Variants in CCNA2 observed in about 807,000 individuals in gnomAD.
CCNA2 encodes the protein cyclin-A2.
CCNA2 carries 3 observed loss-of-function variants against 49.4 expected under a neutral mutation model. The ratio of observed to expected loss-of-function variants is 0.06; its 90% CI spans 0.03 to 0.16. The LOEUF (loss-of-function observed/expected upper bound fraction) is 0.16, where lower values mean the gene tolerates loss of function less well. Ranked by LOEUF, CCNA2 falls within the 10% of genes least tolerant of loss-of-function variation. The pLI is 1.00. For missense variants in CCNA2, 372 were observed against 519.7 expected, an observed-to-expected ratio of 0.72 and a Z score of 2.76; for synonymous variants, 206 against 197.2, an observed-to-expected ratio of 1.04 and a Z score of -0.37.
In CCNA2 at chr4:121,817,599, G is replaced by A; in HGVS notation, c.*39C>T. On this transcript the variant is annotated 3_prime_UTR_variant, in exon 8 of 8. Transcript: ENST00000274026. ...AAAAACTGTACACCATATACTTTGAGTGATTTACATCTTAGAAAACAAAGG... is the reference window on the plus strand; with the variant it reads ...AAAAACTGTACACCATATACTTTGAATGATTTACATCTTAGAAAACAAAGG... 6.2e-7 allele frequency: 1 copy of A among 1,612,552 alleles called. No homozygotes were observed. Among genetic ancestry groups the A allele is most frequent in the Non-Finnish European group, 8.5e-7 (1 of 1,179,072 alleles).
At position 121,820,599 on chromosome 4, in the gene CCNA2, A is replaced by G; in HGVS notation, c.737T>C (p.Met246Thr). ...CTGAAGTTTTCCTCTCAGCACTGAC[A>G]TGGAAGACAGGAACCTATCAATGTA... is the stretch of plus-strand genomic sequence containing the variant. ...VNYIDRFLSS[M>T]SVLRGKLQLV... Residue 246 changes from methionine to threonine, a missense_variant, in exon 4 of 8, where the codon ATG becomes ACG. Physicochemically the swap from Met to Thr is moderately conservative, Grantham distance 81. Around this residue, in one of 2 missense-constraint regions of CCNA2, gnomAD observed 155 missense variants for 288.1 expected, o/e 0.54. Transcript: ENST00000274026. The surrounding 1 kb of genome is among the most constrained non-coding windows in gnomAD (Gnocchi z 4.1). 6.2e-7 allele frequency: 1 copy of G among 1,614,202 alleles called. No homozygotes were observed. The highest frequency in any genetic ancestry group is 8.5e-7 in the Non-Finnish European group (1 of 1,180,012).
Position 121,820,551 on chromosome 4 carries a change from A to C in CCNA2, c.785T>G (p.Leu262Arg). 1 of 1,611,770 alleles carries C rather than the reference A, an allele frequency of 6.2e-7. No individual in the cohort carries two copies. Among genetic ancestry groups the C allele is most frequent in the Non-Finnish European group, 8.5e-7 (1 of 1,178,298 alleles). The change falls in exon 4 of 8, where the codon CTG becomes CGG. Residue 262 changes from leucine to arginine, a missense_variant. Leu to Arg is a moderately radical substitution (Grantham distance 102). This residue lies in a region of CCNA2 where 155 missense variants were observed against 288.1 expected (regional missense o/e 0.54). Coordinates refer to ENST00000274026, the MANE Select transcript of CCNA2 (RefSeq NM_001237.5). This position sits in a 1 kb window ranked among gnomAD's most constrained non-coding sequence, Gnocchi z 4.1. ...ACCAAGGTAGACTTACGAGGCTAAC[A>C]GCATAGCAGCAGTGCCCACAAGCTG... is the stretch of plus-strand genomic sequence containing the variant. Reference protein sequence around the residue: ...KLQLVGTAAMLLASKFEEIYP... With the variant: ...KLQLVGTAAMRLASKFEEIYP...
chr4:121,820,773 G>A lies in CCNA2; in HGVS notation c.571-8C>T, dbSNP rs1185950263. Reference sequence around the variant, plus strand: ...TTTAGGTTTACATTTAACCTATTGAGAAAATTATTTATAGTGTTAAAATTA... The same window carrying A: ...TTTAGGTTTACATTTAACCTATTGAAAAAATTATTTATAGTGTTAAAATTA... On this transcript the variant is annotated splice_polypyrimidine_tract_variant and splice_region_variant and intron_variant, in intron 3 of 7. Transcript: ENST00000274026. This position sits in a 1 kb window ranked among gnomAD's most constrained non-coding sequence, Gnocchi z 4.1. 3.2e-6 allele frequency: 5 copies of A among 1,565,190 alleles called. No homozygotes were observed. In the Admixed American group the frequency reaches 8.8e-5, roughly 27 times the overall value.
Position 121,816,841 on chromosome 4 carries a change from G to A in CCNA2, c.*797C>T. On this transcript the variant is annotated 3_prime_UTR_variant, in exon 8 of 8. Coordinates refer to ENST00000274026, the MANE Select transcript of CCNA2 (RefSeq NM_001237.5). ...AGCCAGTGAAAAGAAGAAAAAAGAA[G>A]AGAGCTGCCAATTAAAGCTAACAGT... is the stretch of plus-strand genomic sequence containing the variant. 6.3e-7 allele frequency: 1 copy of A among 1,592,086 alleles called. No individual in the cohort carries two copies. The highest frequency in any genetic ancestry group is 1.1e-5 in the South Asian group (1 of 88,430).
rs764163813 is a variant in CCNA2, at chr4:121,818,929, C to CT, written c.1003-17dup. ...CTCCCAAAAACTGGAATAAAAAATACTTTATGATCACAAGAGCGTTTAGAA... is the reference window on the plus strand; with the variant it reads ...CTCCCAAAAACTGGAATAAAAAATACTTTTATGATCACAAGAGCGTTTAGAA... On this transcript the variant is annotated splice_polypyrimidine_tract_variant and intron_variant, in intron 5 of 7. Coordinates refer to ENST00000274026, the MANE Select transcript of CCNA2 (RefSeq NM_001237.5). 8 of 1,468,908 alleles carry CT rather than the reference C, an allele frequency of 5.4e-6. No homozygotes were observed. In the South Asian group the frequency reaches 9.1e-5, roughly 17 times the overall value. 91.0% of individuals were successfully genotyped at this position (1,468,908 alleles called of 1,614,324 possible). A position where few individuals can be genotyped will look rare whatever the true frequency, so the allele number is the denominator to read the frequency against.
Position 121,817,044 on chromosome 4 carries a change from A to G in CCNA2, c.*594T>C, listed in dbSNP as rs556706240. 2.0e-5 allele frequency: 12 copies of G among 589,152 alleles called. No individual in the cohort carries two copies. The African/African-American group carries it at 2.1e-4, about 10-fold the overall frequency. 36.5% of individuals were successfully genotyped at this position (589,152 alleles called of 1,614,324 possible). ...GCATTTCTCGTCTGTTAATTTGCATATAAGCTTCCCACCCTCTTCCACTCC... is the reference window on the plus strand; with the variant it reads ...GCATTTCTCGTCTGTTAATTTGCATGTAAGCTTCCCACCCTCTTCCACTCC... On this transcript the variant is annotated 3_prime_UTR_variant, in exon 8 of 8. Transcript: ENST00000274026.
rs1203747195 is a variant in CCNA2, at chr4:121,823,686, T to C, written c.-58A>G. The C allele has an allele frequency of 6.7e-7, 1 of 1,495,982 alleles. No individual in the cohort carries two copies. Among genetic ancestry groups the C allele is most frequent in the African/African-American group, 1.4e-5 (1 of 72,250 alleles). The allele number at this position is 1,495,982 out of a possible 1,614,324, so 92.7% of individuals were successfully genotyped here. A position where few individuals can be genotyped will look rare whatever the true frequency, so the allele number is the denominator to read the frequency against. On this transcript the variant is annotated 5_prime_UTR_variant, in exon 1 of 8. Transcript: ENST00000274026. The stretch of plus-strand genomic sequence containing the variant: ...CTGCGGCGCCAAGCAGCGTGCACTC[T>C]GCCCAGCCGACCACTCGCACCGACC...
rs1724661178 is a variant in CCNA2 at position 121,820,328 on chromosome 4, A to G, written c.794+214T>C. On this transcript the variant is annotated intron_variant, in intron 4 of 7. Transcript: ENST00000274026. The surrounding 1 kb of genome is among the most constrained non-coding windows in gnomAD (Gnocchi z 4.1). ...TTTAAAATTTGTAACCTAGTGTACT[A>G]TATCATGTTCAAGGAATCCAGTTGG... 6.6e-6 allele frequency among the ~76,000 whole-genome samples: 1 copy of G among 152,196 alleles called. No individual in the cohort carries two copies.
Position 121,817,838 on chromosome 4 carries a change from AAC to A in CCNA2, c.1251-154_1251-153del, listed in dbSNP as rs1330154766. The A allele has an allele frequency of 1.4e-5, 17 of 1,186,272 alleles. No homozygotes were observed. The Admixed American group carries it at 2.2e-4, about 16-fold the overall frequency. The allele number at this position is 1,186,272 out of a possible 1,614,324, so 73.5% of individuals were successfully genotyped here. On this transcript the variant is annotated intron_variant, in intron 7 of 7. Transcript: ENST00000274026. ...TTTAGAAACACTGTCTGGTCCCTGA[AAC>A]ACACATGCATGCCCCCTTCCTTCTC...
At chr4:121,821,220 C>T in intron 2 of CCNA2, 129 bp from the exon 3 acceptor site, 1 of 1,146,208 alleles carries the variant, frequency 8.7e-7, no homozygotes, top group Non-Finnish European at 1.2e-6. Context: ...AAGAGCTTCT[C>T]ATGACAAAAT....
Position 121,816,457 on chromosome 4 carries a change from T to C in CCNA2, c.*1181A>G. 1 of 1,524,706 alleles carries C rather than the reference T, an allele frequency of 6.6e-7. No homozygotes were observed. 94.4% of individuals were successfully genotyped at this position (1,524,706 alleles called of 1,614,324 possible). A position where few individuals can be genotyped will look rare whatever the true frequency, so the allele number is the denominator to read the frequency against. The stretch of plus-strand genomic sequence containing the variant: ...ATCCAAAGAAAATAAGGTAACAAAT[T>C]TCTGGTTTATTTCAAATGTATACAT... On this transcript the variant is annotated 3_prime_UTR_variant, in exon 8 of 8. Coordinates refer to ENST00000274026, the MANE Select transcript of CCNA2 (RefSeq NM_001237.5).
At position 121,816,668 on chromosome 4, in the gene CCNA2, C is replaced by A; in HGVS notation, c.*970G>T. On this transcript the variant is annotated 3_prime_UTR_variant, in exon 8 of 8. Coordinates refer to ENST00000274026, the MANE Select transcript of CCNA2 (RefSeq NM_001237.5). ...TCTTGGATGCCAGTCTTACTCATAG[C>A]TGACACATTTTAGATCCTACTGGAA... The A allele has an allele frequency of 8.5e-7, 1 of 1,182,766 alleles. No homozygotes were observed. Among genetic ancestry groups the A allele is most frequent in the Non-Finnish European group, 1.2e-6 (1 of 865,702 alleles). The allele number at this position is 1,182,766 out of a possible 1,614,324, so 73.3% of individuals were successfully genotyped here.
In CCNA2 at chr4:121,818,054, T is replaced by G. The variant is rs929352472; in HGVS notation, c.1240A>C (p.Lys414Gln). Residue 414 changes from lysine (K) to glutamine (Q), a missense_variant, in exon 7 of 8, where the codon AAA (lysine) becomes CAA (glutamine). Transcript: ENST00000274026. ...HAQQSIREKYKNSKYHGVSLL... is the reference protein window; with the variant it reads ...HAQQSIREKYQNSKYHGVSLL... ...CAAGTTAATTCTTACTTTGAATTTT[T>G]GTACTTTTCTCTTATTGACTGTTGT... 2 of 1,612,114 alleles carry G rather than the reference T, an allele frequency of 1.2e-6. No individual in the cohort carries two copies. The highest frequency in any genetic ancestry group is 1.1e-5 in the South Asian group (1 of 90,628).
rs771429379 is a variant in CCNA2, at chr4:121,816,835, A to AAAGAAGAG, written c.*795_*802dup. 20 of 1,596,418 alleles carry AAAGAAGAG rather than the reference A, an allele frequency of 1.3e-5. No individual in the cohort carries two copies. Among genetic ancestry groups the AAAGAAGAG allele is most frequent in the Non-Finnish European group, 1.6e-5 (19 of 1,169,360 alleles). On this transcript the variant is annotated 3_prime_UTR_variant, in exon 8 of 8. Transcript: ENST00000274026. ...GTAAAAAGCCAGTGAAAAGAAGAAA[A>AAAGAAGAG]AAGAAGAGAGCTGCCAATTAAAGCT...
chr4:121,819,962 CAAG>C (rs1432432304), intron 4 of CCNA2, among the ~76,000 whole-genome samples: 3 of 133,930 alleles, frequency 2.2e-5, no homozygotes, highest in Non-Finnish European at 4.7e-5. Flanking sequence ...TTTTTTGAGA[CAAG>C]AGTCTTGCTC....
intron 5 of CCNA2, 86 bp downstream of exon 5, chr4:121,819,286 G>A (rs986711038): frequency 2.1e-6 from 2 of 967,228 alleles, no homozygotes; most frequent in African/African-American, 1.6e-5. Flanking sequence ...CTGTACAAAG[G>A]AACTAGGTTC....
At position 121,819,594 on chromosome 4, in the gene CCNA2, G is replaced by GT. The variant is rs1166652409; in HGVS notation, c.795-16dup. On this transcript the variant is annotated splice_polypyrimidine_tract_variant and intron_variant, in intron 4 of 7. Transcript: ENST00000274026. ...CTTCAAACTTTCTACAATGAAAAAAGTTTTAAGTAATCAGTCCTAAAAGAG... is the reference window on the plus strand; with the variant it reads ...CTTCAAACTTTCTACAATGAAAAAAGTTTTTAAGTAATCAGTCCTAAAAGAG... The GT allele has an allele frequency of 1.9e-6, 3 of 1,576,492 alleles. No homozygotes were observed. The highest frequency in any genetic ancestry group is 2.6e-6 in the Non-Finnish European group (3 of 1,146,902).
rs571659772 is a variant in CCNA2, at chr4:121,823,847, A to C, written c.-219T>G. ...CAGGCAGGCACTGCCCAGCGTGGCG[A>C]GCCAAAGACGCCCAGAGATGCAGCG... On this transcript the variant is annotated 5_prime_UTR_variant, in exon 1 of 8. Coordinates refer to ENST00000274026, the MANE Select transcript of CCNA2 (RefSeq NM_001237.5). 1.8e-4 allele frequency: 138 copies of C among 787,350 alleles called. 1 individual carries two copies. In the African/African-American group the frequency reaches 2.2e-3, roughly 13 times the overall value. 48.8% of individuals were successfully genotyped at this position (787,350 alleles called of 1,614,324 possible). A position where few individuals can be genotyped will look rare whatever the true frequency, so the allele number is the denominator to read the frequency against.
chr4:121,820,519 TA>T lies in CCNA2; in HGVS notation c.794+22del, dbSNP rs1224101623. 1 of 1,573,114 alleles carries T rather than the reference TA, an allele frequency of 6.4e-7. No homozygotes were observed. Reference sequence around the variant, plus strand: ...CTAGACAAAAGGTCGTGATCACTTTTAAACAAACCAAGGTAGACTTACGAGG... The same window carrying T: ...CTAGACAAAAGGTCGTGATCACTTTTAACAAACCAAGGTAGACTTACGAGG... On this transcript the variant is annotated intron_variant, in intron 4 of 7. Coordinates refer to ENST00000274026, the MANE Select transcript of CCNA2 (RefSeq NM_001237.5). The surrounding 1 kb of genome is among the most constrained non-coding windows in gnomAD (Gnocchi z 4.1).
Sources: gnomAD v4.1 joint callset for allele counts (sites outside exome capture counted in the v4.1 genomes callset) on GRCh38, gnomAD v4.1.1 for gene constraint, gnomAD v4.1.1 regional missense constraint, Gnocchi (gnomAD v3.1) non-coding constraint, MANE v1.5 for transcripts, NCBI Gene and HGNC (gene_info 2026-07-23, HGNC 2026-07-21) for gene names.